TMPRSS11D: variants seen among roughly 807,000 people sequenced by gnomAD.
TMPRSS11D encodes transmembrane protease serine 11D.
In TMPRSS11D, 32 loss-of-function variants were observed where a neutral mutation model predicts 44.4. The observed-to-expected ratio is 0.72, with a 90% confidence interval of 0.54 to 0.97. The LOEUF (loss-of-function observed/expected upper bound fraction) is 0.97. Among genes scored for constraint, TMPRSS11D ranks in the 50% least tolerant of loss-of-function variants. The pLI is 0.00. For missense variants in TMPRSS11D, 446 were observed against 502.6 expected, an observed-to-expected ratio of 0.89 and a Z score of 1.08; for synonymous variants, 179 against 177.9, an observed-to-expected ratio of 1.01 and a Z score of -0.05.
intron 9 of TMPRSS11D, among the ~76,000 whole-genome samples, chr4:67,824,135 GTGTT>G (rs1328661263): frequency 3.5e-5 from 2 of 57,844 alleles, no homozygotes; most frequent in African/African-American, 1.4e-4. Flanking sequence ...GTAAAGTGCT[GTGTT>G]TTTTTTTTTT....
rs200974270 is a variant in TMPRSS11D, at chr4:67,854,023, T to A, written c.249+45A>T. Reference sequence around the variant, plus strand: ...ACAAAACATTAGGTTTATTATCATATTCATTTTATAATGGAATAAAGAGCA... The same window carrying A: ...ACAAAACATTAGGTTTATTATCATAATCATTTTATAATGGAATAAAGAGCA... On this transcript the variant is annotated intron_variant, in intron 3 of 9. Coordinates refer to ENST00000283916, the MANE Select transcript of TMPRSS11D (RefSeq NM_004262.3). The A allele has an allele frequency of 2.1e-4, 235 of 1,143,256 alleles. 1 individual carries two copies. Among genetic ancestry groups the A allele is most frequent in the Admixed American group, 7.3e-4 (30 of 41,012 alleles). 70.8% of individuals were successfully genotyped at this position (1,143,256 alleles called of 1,614,324 possible). A position where few individuals can be genotyped will look rare whatever the true frequency, so the allele number is the denominator to read the frequency against.
At chr4:67,862,384 G>A (rs1221681855) in intron 1 of TMPRSS11D, among the ~76,000 whole-genome samples, 1 of 152,038 alleles carries the variant, frequency 6.6e-6, no homozygotes, top group Non-Finnish European at 1.5e-5. Flanking sequence ...ATGAACTTCC[G>A]CTCACATACA....
intron 4 of TMPRSS11D, chr4:67,839,076 A>G (rs1488119071): frequency 6.6e-6 from 1 of 152,214 alleles, no homozygotes. Context: ...AGTACATTAA[A>G]GATATTTGGC....
intron 1 of TMPRSS11D, among the ~76,000 whole-genome samples, chr4:67,866,246 C>CATAT (rs917681432): frequency 2.6e-5 from 4 of 151,806 alleles, no homozygotes; most frequent in African/African-American, 9.7e-5. Context: ...AAAACAAAAC[C>CATAT]ATATGATCAT....
At chr4:67,880,664 C>T (rs968010188) in intron 1 of TMPRSS11D, among the ~76,000 whole-genome samples, 4 of 151,728 alleles carry the variant, frequency 2.6e-5, no homozygotes, top group African/African-American at 9.7e-5. Flanking sequence ...CAGGTTTTTG[C>T]TCTGTCACCC....
Position 67,827,429 on chromosome 4 carries a change from T to A in TMPRSS11D, c.784A>T (p.Asn262Tyr). Residue 262 changes from asparagine to tyrosine, a missense_variant, in exon 8 of 10, where the codon AAC becomes TAC. Physicochemically the swap from Asn to Tyr is moderately radical, Grantham distance 143. Transcript: ENST00000283916. The stretch of plus-strand genomic sequence containing the variant: ...TCATGAGTTGCAGATTTATAATTGT[T>A]ATGAATTAAAATATTTCTTACTCTC... ...RMRVRNILIH[N>Y]NYKSATHEND... 6.2e-7 allele frequency: 1 copy of A among 1,613,066 alleles called. No homozygotes were observed. The highest frequency in any genetic ancestry group is 1.1e-5 in the South Asian group (1 of 90,978).
At chr4:67,882,206 T>C (rs1446441025) in intron 1 of TMPRSS11D, among the ~76,000 whole-genome samples, 2 of 152,184 alleles carry the variant, frequency 1.3e-5, no homozygotes, top group Non-Finnish European at 2.9e-5. Context: ...CAGCCAATTT[T>C]CAACCAAAAG....
chr4:67,833,167 T>C (rs769591340), intron 7 of TMPRSS11D, 37 bp downstream of exon 7: 1 of 1,389,980 alleles, frequency 7.2e-7, no homozygotes, highest in South Asian at 1.9e-5. Flanking sequence ...CTGTCTATTC[T>C]AATTGTTCCC....
intron 7 of TMPRSS11D, among the ~76,000 whole-genome samples, chr4:67,830,132 A>G (rs1717909272): frequency 6.6e-6 from 1 of 152,114 alleles, no homozygotes; most frequent in African/African-American, 2.4e-5. Flanking sequence ...CCAAGAATTG[A>G]GTGAAAACAG....
At chr4:67,878,748 A>T (rs1341427825) in intron 1 of TMPRSS11D, among the ~76,000 whole-genome samples, 1 of 151,992 alleles carries the variant, frequency 6.6e-6, no homozygotes, top group African/African-American at 2.4e-5. Context: ...ACATGGTGAA[A>T]CCCCGTCTCT....
At chr4:67,822,526 T>C (rs1214181804) in intron 9 of TMPRSS11D, 28 bp from the exon 10 acceptor site, 1 of 1,612,948 alleles carries the variant, frequency 6.2e-7, no homozygotes, top group Non-Finnish European at 8.5e-7. Flanking sequence ...GACTGATTAC[T>C]TAAGTGCAAA....
chr4:67,840,620 T>C (rs1718208724), intron 4 of TMPRSS11D, among the ~76,000 whole-genome samples: 1 of 152,168 alleles, frequency 6.6e-6, no homozygotes, highest in Non-Finnish European at 1.5e-5. Context: ...ACAGAGTCAC[T>C]ATGGTCAATA....
At position 67,823,589 on chromosome 4, in the gene TMPRSS11D, CTAT is replaced by C. The variant is rs141609402; in HGVS notation, c.1096-1094_1096-1092del. Among the ~76,000 whole-genome samples the C allele has an allele frequency of 3.5e-3, 535 of 152,208 alleles. 3 individuals are homozygous for C. Among genetic ancestry groups the C allele is most frequent in the African/African-American group, 0.012 (503 of 41,524 alleles). ...TATAGTCAGTACTAATAAAAGTCAG[CTAT>C]TATTACCAAGTGTGCTTCTAAGTTA... On this transcript the variant is annotated intron_variant, in intron 9 of 9. Coordinates refer to ENST00000283916, the MANE Select transcript of TMPRSS11D (RefSeq NM_004262.3).
At chr4:67,840,488 A>C (rs561120270) in intron 4 of TMPRSS11D, among the ~76,000 whole-genome samples, 2 of 152,284 alleles carry the variant, frequency 1.3e-5, no homozygotes, top group Admixed American at 6.5e-5. Flanking sequence ...AACTTCACAT[A>C]ATAGAATCAA....
chr4:67,864,191 A>T (rs890960793), intron 1 of TMPRSS11D, among the ~76,000 whole-genome samples: 3 of 152,042 alleles, frequency 2.0e-5, no homozygotes, highest in African/African-American at 7.2e-5. Context: ...TTACCGATTT[A>T]CCTATTTCAC....
chr4:67,842,678 C>T (rs973367299), intron 3 of TMPRSS11D, 53 bp from the exon 4 acceptor site: 1 of 1,503,118 alleles, frequency 6.7e-7, no homozygotes, highest in Non-Finnish European at 9.2e-7. Flanking sequence ...TCTTCTTCTC[C>T]TTCCTCTCAA....
intron 5 of TMPRSS11D, among the ~76,000 whole-genome samples, chr4:67,837,631 A>T (rs1400462105): frequency 1.3e-5 from 2 of 152,126 alleles, no homozygotes; most frequent in Non-Finnish European, 2.9e-5. Context: ...GTCATGCAAG[A>T]ATTATTTATT....
chr4:67,876,784 T>C (rs1225853658), intron 1 of TMPRSS11D, among the ~76,000 whole-genome samples: 1 of 152,232 alleles, frequency 6.6e-6, no homozygotes, highest in African/African-American at 2.4e-5. Context: ...GAAAAACTAA[T>C]AGCTATTGAA....
At chr4:67,859,094 G>A (rs573963039) in intron 2 of TMPRSS11D, among the ~76,000 whole-genome samples, 3 of 152,166 alleles carry the variant, frequency 2.0e-5, no homozygotes, top group Admixed American at 1.3e-4. Context: ...GAAGACAGAA[G>A]CATTATTTGT....
Sources: allele counts gnomAD v4.1 joint callset (sites outside exome capture counted in the v4.1 genomes callset), GRCh38; gene constraint gnomAD v4.1.1; transcripts MANE v1.5; gene names NCBI Gene and HGNC (gene_info 2026-07-23, HGNC 2026-07-21).